The following PREX1 variants were observed in gnomAD, a reference collection of about 807,000 sequenced individuals.
PREX1 encodes the protein phosphatidylinositol-3,4,5-trisphosphate dependent Rac exchange factor 1.
PREX1 carries 41 observed loss-of-function variants against 198.3 expected under a neutral mutation model. That is an observed-to-expected ratio of 0.21 (90% confidence interval 0.16 to 0.27). The LOEUF is 0.27. PREX1 is among the 10% of genes least tolerant of loss of function. PREX1 has a pLI of 1.00. For missense variants in PREX1, 1,620 were observed against 2,200.7 expected, an observed-to-expected ratio of 0.74 and a Z score of 5.28; for synonymous variants, 843 against 887.2, an observed-to-expected ratio of 0.95 and a Z score of 0.89.
intron 15 of PREX1, among the ~76,000 whole-genome samples, chr20:48,661,116 C>T (rs1246967907): frequency 6.6e-6 from 1 of 152,108 alleles, no homozygotes; most frequent in African/African-American, 2.4e-5. Context: ...TGGCCCTTTA[C>T]ATAAAAAAAT....
In PREX1 at chr20:48,719,581, A is replaced by G. The variant is rs75820417; in HGVS notation, c.621+6709T>C. 3.2e-3 allele frequency among the ~76,000 whole-genome samples: 483 copies of G among 152,348 alleles called. 5 individuals are homozygous for G. In the East Asian group the frequency reaches 0.036, roughly 11 times the overall value. Reference sequence around the variant, plus strand: ...CCCCAGCAGATGAGGAGCTCACTGCATAACATCAGTCAGACAAAAACTCCA... The same window carrying G: ...CCCCAGCAGATGAGGAGCTCACTGCGTAACATCAGTCAGACAAAAACTCCA... On this transcript the variant is annotated intron_variant, in intron 5 of 39. Coordinates refer to ENST00000371941, the MANE Select transcript of PREX1 (RefSeq NM_020820.4).
Position 48,827,642 on chromosome 20 carries a change from CG to C in PREX1, c.218del (p.Ser73TrpfsTer64). 1 of 1,307,172 alleles carries C rather than the reference CG, an allele frequency of 7.7e-7. No homozygotes were observed. 81.0% of individuals were successfully genotyped at this position (1,307,172 alleles called of 1,614,324 possible). ...CCCCAAGCTCCCGAGCGACACTCAC[CG>C]ACTGCAAGAAGCGCAAGGTGCCCAC... is the stretch of plus-strand genomic sequence containing the variant. ...DYVGTLRFLQ[S>X]AFLHRIRQNV... On this transcript the variant is annotated frameshift_variant and splice_region_variant, in exon 1 of 40. Transcript: ENST00000371941. LOFTEE classifies it high-confidence loss of function. The surrounding 1 kb of genome is among the most constrained non-coding windows in gnomAD (Gnocchi z 4.1).
At chr20:48,758,206 C>T (rs752776903) in intron 1 of PREX1, among the ~76,000 whole-genome samples, 2 of 152,318 alleles carry the variant, frequency 1.3e-5, no homozygotes, top group African/African-American at 2.4e-5. Context: ...CCGTGTGGAA[C>T]GCACACCTCA....
At chr20:48,685,949 G>A (rs1184529086) in intron 10 of PREX1, among the ~76,000 whole-genome samples, 3 of 143,682 alleles carry the variant, frequency 2.1e-5, no homozygotes, top group Admixed American at 7.2e-5. Context: ...CCCTAACAGT[G>A]GAGACAGATG....
chr20:48,827,016 G>C lies in PREX1; in HGVS notation c.219+626C>G, dbSNP rs2123093301. Reference sequence around the variant, plus strand: ...TTACAAAGTCTGAGGCCGTGGTTTTGCACTTGGAGATGGGGAGTTGGTGGG... The same window carrying C: ...TTACAAAGTCTGAGGCCGTGGTTTTCCACTTGGAGATGGGGAGTTGGTGGG... On this transcript the variant is annotated intron_variant, in intron 1 of 39. Transcript: ENST00000371941. This position sits in a 1 kb window ranked among gnomAD's most constrained non-coding sequence, Gnocchi z 4.1. Among the ~76,000 whole-genome samples, 1 of 152,318 alleles carries C rather than the reference G, an allele frequency of 6.6e-6. No homozygotes were observed. Among genetic ancestry groups the C allele is most frequent in the South Asian group, 2.1e-4 (1 of 4,830 alleles).
At chr20:48,639,628 G>T in intron 30 of PREX1, 138 bp downstream of exon 30, 1 of 1,310,540 alleles carries the variant, frequency 7.6e-7, no homozygotes, top group Non-Finnish European at 1.0e-6. Flanking sequence ...GCTGAGAGAG[G>T]GCATCACTTC....
chr20:48,661,437 AAAAAAAAATATAT>A (rs1568809814), intron 15 of PREX1, among the ~76,000 whole-genome samples: 1 of 105,594 alleles, frequency 9.5e-6, no homozygotes, highest in Non-Finnish European at 1.7e-5. Context: ...AAAAAAAAAA[AAAAAAAAATATAT>A]ATATATATAT....
chr20:48,866,495 A>G, the PREX1 span, among the ~76,000 whole-genome samples: 5 of 152,162 alleles, frequency 3.3e-5, no homozygotes, highest in Non-Finnish European at 7.4e-5. Context: ...CAAGTTGGAG[A>G]GGCAGTGGTC....
Position 48,629,509 on chromosome 20 carries a change from G to A in PREX1, c.4706C>T (p.Ser1569Leu), listed in dbSNP as rs976517864. ...SVGAGLIPIS[S>L]ELCYRLGACQ... ...GGCCCCCAGGCGGTAGCAGAGCTCC[G>A]AGGAGATGGGGATGAGGCCGGCGCC... Residue 1569 changes from serine (S) to leucine (L), a missense_variant, in exon 37 of 40, where the codon TCG (serine) becomes TTG (leucine). Physicochemically the swap from Ser to Leu is moderately radical, Grantham distance 145. Coordinates refer to ENST00000371941, the MANE Select transcript of PREX1 (RefSeq NM_020820.4). 2.3e-5 allele frequency: 37 copies of A among 1,613,978 alleles called. No homozygotes were observed. The highest frequency in any genetic ancestry group is 2.9e-5 in the Non-Finnish European group (34 of 1,179,952).
intron 1 of PREX1, among the ~76,000 whole-genome samples, chr20:48,811,376 T>C (rs901259143): frequency 1.3e-5 from 2 of 152,140 alleles, no homozygotes; most frequent in Admixed American, 6.6e-5. Context: ...GAGCCTAACC[T>C]GGACTTAGGA....
intron 5 of PREX1, among the ~76,000 whole-genome samples, chr20:48,712,168 C>T (rs955354291): frequency 7.9e-5 from 12 of 152,156 alleles, no homozygotes; most frequent in African/African-American, 2.9e-4. Flanking sequence ...TTAAGCTTGG[C>T]CATCAGTGAA....
At chr20:48,730,697 T>C (rs2090031313) in intron 4 of PREX1, among the ~76,000 whole-genome samples, 1 of 152,014 alleles carries the variant, frequency 6.6e-6, no homozygotes. Context: ...AAAGCTTTTT[T>C]AAAATCTCAT....
intron 13 of PREX1, among the ~76,000 whole-genome samples, chr20:48,678,448 T>A (rs555735171): frequency 4.0e-5 from 6 of 150,252 alleles, no homozygotes; most frequent in Admixed American, 2.7e-4. Flanking sequence ...CCAGCCTGGG[T>A]AACGGAGCAA....
the PREX1 span, among the ~76,000 whole-genome samples, chr20:48,838,994 A>T: frequency 1.0e-5 from 1 of 96,630 alleles, no homozygotes; most frequent in Non-Finnish European, 2.1e-5. Flanking sequence ...ACTCTGTCTC[A>T]AAAAAAAAAA....
In PREX1 at chr20:48,679,762, G is replaced by T. The variant is rs755022436; in HGVS notation, c.1436-8C>A. 5.6e-6 allele frequency: 9 copies of T among 1,601,334 alleles called. No individual in the cohort carries two copies. The highest frequency in any genetic ancestry group is 7.7e-6 in the Non-Finnish European group (9 of 1,168,364). ...ACTGGTGCTTGTCGGAAACTGGAGA[G>T]ACAGGAGGACCTGTGACGCTGGGCA... On this transcript the variant is annotated splice_polypyrimidine_tract_variant and splice_region_variant and intron_variant, in intron 11 of 39. Transcript: ENST00000371941.
At chr20:48,649,718 A>T in intron 24 of PREX1, 142 bp from the exon 25 acceptor site, 1 of 1,115,276 alleles carries the variant, frequency 9.0e-7, no homozygotes, top group Non-Finnish European at 1.3e-6. Context: ...TCATTCAGTT[A>T]CTTCAAGAAG....
chr20:48,784,426 T>C (rs2122935137), intron 1 of PREX1, among the ~76,000 whole-genome samples: 1 of 152,288 alleles, frequency 6.6e-6, no homozygotes, highest in African/African-American at 2.4e-5. Context: ...TCCACCTATT[T>C]TTAGGATTGT....
In PREX1 at chr20:48,758,280, T is replaced by G. The variant is rs1883746; in HGVS notation, c.220-10400A>C. Among the ~76,000 whole-genome samples, 1,023 of 152,236 alleles carry G rather than the reference T, an allele frequency of 6.7e-3. 13 individuals are homozygous for G. Among genetic ancestry groups the G allele is most frequent in the East Asian group, 0.046 (236 of 5,182 alleles). On this transcript the variant is annotated intron_variant, in intron 1 of 39. Coordinates refer to ENST00000371941, the MANE Select transcript of PREX1 (RefSeq NM_020820.4). ...ACATCAGCCCTGTCTGTCACTAGTT[T>G]AAGGGCAGTGGGGGTGATCCTGGCA...
At chr20:48,736,093 G>A (rs762670433) in intron 3 of PREX1, among the ~76,000 whole-genome samples, 4 of 152,154 alleles carry the variant, frequency 2.6e-5, no homozygotes, top group Non-Finnish European at 4.4e-5. Context: ...TTAGGATGCT[G>A]GAGGATGAAA....
Sources: gnomAD v4.1 joint callset for allele counts (sites outside exome capture counted in the v4.1 genomes callset) on GRCh38, gnomAD v4.1.1 for gene constraint, Gnocchi (gnomAD v3.1) non-coding constraint, MANE v1.5 for transcripts, NCBI Gene and HGNC (gene_info 2026-07-23, HGNC 2026-07-21) for gene names.